WRN: variants seen among roughly 807,000 people sequenced by gnomAD.
WRN encodes WRN RecQ like helicase, also known as bifunctional 3'-5' exonuclease/ATP-dependent helicase WRN.
Under a neutral mutation model 180.7 loss-of-function variants are expected in WRN, and 149 were observed. The ratio of observed to expected loss-of-function variants is 0.82; its 90% confidence interval spans 0.72 to 0.94. The LOEUF (loss-of-function observed/expected upper bound fraction) is 0.94, where lower values mean the gene tolerates loss of function less well. Among genes scored for constraint, WRN ranks in the 40% least tolerant of loss-of-function variants. WRN has a pLI of 0.00. For missense variants in WRN, 1,661 were observed against 1,700.1 expected (o/e 0.98, Z 0.40); for synonymous variants, 548 against 568.9 (o/e 0.96, Z 0.52).
intron 9 of WRN, among the ~76,000 whole-genome samples, chr8:31,081,534 G>A (rs988014364): frequency 6.6e-6 from 1 of 152,206 alleles, no homozygotes; most frequent in African/African-American, 2.4e-5. Context: ...TGGCTTGCGA[G>A]CTGTAGTTTG....
intron 5 of WRN, among the ~76,000 whole-genome samples, chr8:31,066,719 T>C (rs923817091): frequency 6.6e-6 from 1 of 152,158 alleles, no homozygotes; most frequent in Non-Finnish European, 1.5e-5. Flanking sequence ...AGTTCTTAAA[T>C]TAAATTCTCA....
intron 1 of WRN, among the ~76,000 whole-genome samples, chr8:31,052,821 A>C (rs1294210766): frequency 6.6e-6 from 1 of 152,176 alleles, no homozygotes; most frequent in Non-Finnish European, 1.5e-5. Context: ...TAAACATGAT[A>C]ATCAGATTGA....
At chr8:31,097,848 G>T (rs546411250) in intron 17 of WRN, among the ~76,000 whole-genome samples, 1 of 152,088 alleles carries the variant, frequency 6.6e-6, no homozygotes, top group African/African-American at 2.4e-5. Context: ...GGCTTCTATT[G>T]CAAATGCCCC....
At chr8:31,047,356 G>A (rs76569328) in intron 1 of WRN, among the ~76,000 whole-genome samples, 2,280 of 152,130 alleles carry the variant, frequency 0.015, 62 homozygotes, top group African/African-American at 0.051. Flanking sequence ...TGCCTAGGCT[G>A]GACTCAAGCC....
chr8:31,091,363 G>A (rs780579732), intron 15 of WRN, among the ~76,000 whole-genome samples: 7 of 151,800 alleles, frequency 4.6e-5, no homozygotes, highest in East Asian at 1.9e-4. Flanking sequence ...ATATTCATGG[G>A]GTACTGTAGT....
At chr8:31,034,404 T>C (rs909553540) in intron 1 of WRN, among the ~76,000 whole-genome samples, 1 of 152,226 alleles carries the variant, frequency 6.6e-6, no homozygotes, top group African/African-American at 2.4e-5. Context: ...TTTCTTTTTT[T>C]CCTAGTTGAA....
chr8:31,143,700 T>TTCTA, intron 28 of WRN, 77 bp downstream of exon 28: 1 of 1,053,130 alleles, frequency 9.5e-7, no homozygotes, highest in Non-Finnish European at 1.4e-6. Flanking sequence ...AACTGTCAGA[T>TTCTA]GTTGGGCTAT....
At chr8:31,116,851 G>A (rs1216219495) in intron 20 of WRN, among the ~76,000 whole-genome samples, 2 of 152,130 alleles carry the variant, frequency 1.3e-5, no homozygotes, top group African/African-American at 4.8e-5. Flanking sequence ...GAGGGGAAAG[G>A]AATTGGTTAT....
chr8:31,081,065 A>G lies in WRN; in HGVS notation c.1038A>G (p.Thr346=), dbSNP rs1258698864. ...HEVLIHVEDE[T]WDPTLDHLAK... ...TTTTAATTCACGTTGAAGATGAAAC[A>G]TGGGACCCAACACTTGATCATTTAG... Residue 346 remains threonine, a synonymous_variant, in exon 9 of 35, where the codon ACA becomes ACG. Transcript: ENST00000298139. 6 of 1,614,064 alleles carry G rather than the reference A, an allele frequency of 3.7e-6. No individual in the cohort carries two copies. The highest frequency in any genetic ancestry group is 4.2e-6 in the Non-Finnish European group (5 of 1,179,962).
chr8:31,149,396 A>C (rs113088472), intron 30 of WRN, among the ~76,000 whole-genome samples: 85,199 of 138,082 alleles, frequency 0.62, 26,396 homozygotes, highest in East Asian at 0.72. Flanking sequence ...GACTCCGTCT[A>C]AAAAAAAAAT....
intron 17 of WRN, 143 bp from the exon 18 acceptor site, chr8:31,100,706 T>C (rs911397509): frequency 3.0e-6 from 2 of 677,554 alleles, no homozygotes; most frequent in African/African-American, 3.6e-5. Context: ...TTTTTGGTGT[T>C]AATATGATGA....
At chr8:31,094,613 C>T (rs937560630) in intron 16 of WRN, among the ~76,000 whole-genome samples, 3 of 152,178 alleles carry the variant, frequency 2.0e-5, no homozygotes, top group Non-Finnish European at 4.4e-5. Context: ...TTCCAAAATG[C>T]TGGGATTACA....
chr8:31,139,540 A>G (rs1268874698), intron 24 of WRN, among the ~76,000 whole-genome samples: 1 of 152,196 alleles, frequency 6.6e-6, no homozygotes, highest in Non-Finnish European at 1.5e-5. Flanking sequence ...GGAAGCTTCC[A>G]CTATAGCACC....
At chr8:31,098,913 T>C (rs1195623878) in intron 17 of WRN, among the ~76,000 whole-genome samples, 1 of 152,104 alleles carries the variant, frequency 6.6e-6, no homozygotes, top group Non-Finnish European at 1.5e-5. Context: ...AGACCATCAT[T>C]CTGTTTTAAC....
chr8:31,056,081 A>G (rs1272368325), intron 1 of WRN, among the ~76,000 whole-genome samples: 7 of 152,246 alleles, frequency 4.6e-5, no homozygotes, highest in African/African-American at 7.2e-5. Flanking sequence ...AAAAAATTAC[A>G]TATTTCAAAT....
At chr8:31,072,635 A>G (rs1277711893) in intron 7 of WRN, among the ~76,000 whole-genome samples, 1 of 152,218 alleles carries the variant, frequency 6.6e-6, no homozygotes, top group Non-Finnish European at 1.5e-5. Flanking sequence ...CTTGAAAACA[A>G]CATTTTCTCA....
rs1801732478 is a variant in WRN, at chr8:31,121,721, A to G, written c.2630+1297A>G. Among the ~76,000 whole-genome samples the G allele has an allele frequency of 3.4e-5, 5 of 147,608 alleles. No individual in the cohort carries two copies. In the South Asian group the frequency reaches 1.1e-3, roughly 32 times the overall value. ...GTGATAGTTCAAATCTGAAAGAAGA[A>G]TAGGAATTAATTAGGTAAAAATGTT... On this transcript the variant is annotated intron_variant, in intron 21 of 34. Transcript: ENST00000298139.
intron 11 of WRN, 95 bp downstream of exon 11, chr8:31,085,341 CAATGA>C (rs1431387480): frequency 7.5e-7 from 1 of 1,332,156 alleles, no homozygotes; most frequent in African/African-American, 1.5e-5. Context: ...GGTTCCACCA[CAATGA>C]AATTGCTACT....
rs368955181 is a variant in WRN, at chr8:31,150,381, T to C, written c.3613T>C (p.Ser1205Pro). The change falls in exon 31 of 35, where the codon TCT becomes CCT. Residue 1205 changes from serine (S) to proline (P), a missense_variant. Around this residue, in one of 3 missense-constraint regions of WRN, gnomAD observed 1,141 missense variants for 1,149.4 expected, o/e 0.99. Transcript: ENST00000298139. ...VENVKRIDGV[S>P]EGKAAMLAPL... ...AAACGTAAAAAGGATTGATGGTGTT[T>C]CTGAAGGCAAAGCTGCCATGTTGGC... is the stretch of plus-strand genomic sequence containing the variant. 5 of 1,614,058 alleles carry C rather than the reference T, an allele frequency of 3.1e-6. No individual in the cohort carries two copies. Among genetic ancestry groups the C allele is most frequent in the Non-Finnish European group, 4.2e-6 (5 of 1,180,038 alleles).
Sources: allele counts gnomAD v4.1 joint callset (sites outside exome capture counted in the v4.1 genomes callset), GRCh38; gene constraint gnomAD v4.1.1; regional missense constraint gnomAD v4.1.1; transcripts MANE v1.5; gene names NCBI Gene and HGNC (gene_info 2026-07-23, HGNC 2026-07-21).